OLFM2: variants seen among roughly 807,000 people sequenced by gnomAD.
OLFM2 encodes olfactomedin 2.
OLFM2 carries 20 observed loss-of-function variants against 43.9 expected under a neutral mutation model. That is an observed-to-expected ratio of 0.46 (90% CI 0.32 to 0.66). The LOEUF is 0.66. OLFM2 is among the 30% of genes least tolerant of loss of function. The pLI is 0.04. For synonymous variants in OLFM2, 268 were observed against 278.6 expected (o/e 0.96, Z 0.38); for missense variants, 416 against 643.6 (o/e 0.65, Z 3.83).
intron 1 of OLFM2, among the ~76,000 whole-genome samples, chr19:9,921,070 A>G (rs1466595477): frequency 1.3e-5 from 2 of 152,154 alleles, no homozygotes; most frequent in Non-Finnish European, 2.9e-5. Context: ...CAGAATACCT[A>G]TATGCAACAG....
intron 1 of OLFM2, among the ~76,000 whole-genome samples, chr19:9,921,027 C>T (rs1304035335): frequency 2.0e-5 from 3 of 152,124 alleles, no homozygotes; most frequent in Admixed American, 6.6e-5. Context: ...ACACCATTTG[C>T]AGCAAAGTAC....
chr19:9,915,668 C>T (rs1409965792), intron 1 of OLFM2, among the ~76,000 whole-genome samples: 1 of 152,062 alleles, frequency 6.6e-6, no homozygotes, highest in Non-Finnish European at 1.5e-5. Context: ...CAGGCACCCA[C>T]CACCACGCCC....
intron 1 of OLFM2, among the ~76,000 whole-genome samples, chr19:9,905,624 CAAA>C (rs55683294): frequency 1.6e-4 from 12 of 75,726 alleles, no homozygotes; most frequent in Admixed American, 1.6e-4. Context: ...GACTCCATCT[CAAA>C]AAAAAAAAAA....
intron 1 of OLFM2, among the ~76,000 whole-genome samples, chr19:9,867,934 C>T (rs1024674809): frequency 6.6e-6 from 1 of 151,832 alleles, no homozygotes; most frequent in African/African-American, 2.4e-5. Context: ...CAGGGTCTTG[C>T]TCTGCCACCC....
Position 9,857,496 on chromosome 19 carries a change from T to C in OLFM2, c.361-14A>G. The C allele has an allele frequency of 6.2e-7, 1 of 1,612,666 alleles. No individual in the cohort carries two copies. The highest frequency in any genetic ancestry group is 1.6e-4 in the Middle Eastern group (1 of 6,062). On this transcript the variant is annotated splice_polypyrimidine_tract_variant and intron_variant, in intron 3 of 5. Transcript: ENST00000264833. The surrounding 1 kb of genome is among the most constrained non-coding windows in gnomAD (Gnocchi z 5.7). ...GTCCTTCAGCTCCTGTGCATCAAGA[T>C]GGAACCATGGCCAAGCCTGACCCCT...
chr19:9,915,232 TC>T (rs2046865370), intron 1 of OLFM2, among the ~76,000 whole-genome samples: 1 of 99,098 alleles, frequency 1.0e-5, no homozygotes, highest in Admixed American at 1.1e-4. Flanking sequence ...CTTTTTCTTT[TC>T]TCTCTCTTTT....
At chr19:9,912,307 C>T (rs961181660) in intron 1 of OLFM2, among the ~76,000 whole-genome samples, 2 of 152,140 alleles carry the variant, frequency 1.3e-5, no homozygotes, top group African/African-American at 4.8e-5. Context: ...CTCAGGTGTC[C>T]CCACCACCAC....
chr19:9,913,797 C>T (rs555299024), intron 1 of OLFM2: 2 of 468,470 alleles, frequency 4.3e-6, no homozygotes, highest in Non-Finnish European at 5.6e-6. Flanking sequence ...ACGCGGGCTG[C>T]GGCTCGGCGC....
chr19:9,864,817 G>A (rs1235080557), intron 1 of OLFM2, among the ~76,000 whole-genome samples: 1 of 115,710 alleles, frequency 8.6e-6, no homozygotes, highest in Admixed American at 1.0e-4. Flanking sequence ...TCCTTTTGTA[G>A]AGATAGTCTT....
chr19:9,892,880 C>A (rs1009931988), intron 1 of OLFM2, among the ~76,000 whole-genome samples: 2 of 152,144 alleles, frequency 1.3e-5, no homozygotes, highest in Non-Finnish European at 2.9e-5. Context: ...TCTCTCCTCA[C>A]AAGGTTCTGG....
At chr19:9,907,011 G>A (rs978929192) in intron 1 of OLFM2, among the ~76,000 whole-genome samples, 1 of 152,238 alleles carries the variant, frequency 6.6e-6, no homozygotes, top group Middle Eastern at 3.4e-3. Flanking sequence ...AGTGGCAGCC[G>A]GGGAGGGGGA....
At chr19:9,904,573 CCT>C (rs2046769314) in intron 1 of OLFM2, among the ~76,000 whole-genome samples, 1 of 151,894 alleles carries the variant, frequency 6.6e-6, no homozygotes, top group Non-Finnish European at 1.5e-5. Flanking sequence ...TGGTAGCTCC[CCT>C]GTGTGTAGTG....
chr19:9,933,778 A>C (rs898537176), intron 1 of OLFM2, among the ~76,000 whole-genome samples: 5 of 151,930 alleles, frequency 3.3e-5, no homozygotes, highest in Admixed American at 2.0e-4. Context: ...GCTGGTCTCG[A>C]ACTCCTGACC....
chr19:9,880,975 G>C (rs1599477857), intron 1 of OLFM2, among the ~76,000 whole-genome samples: 1 of 152,142 alleles, frequency 6.6e-6, no homozygotes, highest in South Asian at 2.1e-4. Flanking sequence ...TAGGCTCACT[G>C]CAGCCTCTGC....
chr19:9,915,700 A>G (rs542381474), intron 1 of OLFM2, among the ~76,000 whole-genome samples: 18 of 152,020 alleles, frequency 1.2e-4, no homozygotes, highest in African/African-American at 3.6e-4. Flanking sequence ...TGTATTTTTT[A>G]GTAGAGACGG....
chr19:9,884,199 G>T (rs2046565769), intron 1 of OLFM2, among the ~76,000 whole-genome samples: 2 of 151,594 alleles, frequency 1.3e-5, no homozygotes, highest in South Asian at 4.2e-4. Flanking sequence ...AGCCCAGGGA[G>T]GTTGAGGCTG....
At chr19:9,872,198 T>A (rs2046448125) in intron 1 of OLFM2, among the ~76,000 whole-genome samples, 1 of 152,012 alleles carries the variant, frequency 6.6e-6, no homozygotes, top group Non-Finnish European at 1.5e-5. Context: ...ATCCCCTGAG[T>A]GATAAGCTTG....
chr19:9,856,539 C>T lies in OLFM2; in HGVS notation c.687+268G>A, dbSNP rs2046319119. Among the ~76,000 whole-genome samples, 2 of 152,222 alleles carry T rather than the reference C, an allele frequency of 1.3e-5. No individual in the cohort carries two copies. Among genetic ancestry groups the T allele is most frequent in the Non-Finnish European group, 2.9e-5 (2 of 68,050 alleles). Reference sequence around the variant, plus strand: ...ATTGGTCATTGGGTAGTTACTTGGACGTCAGTAGTCCCTGAGAACTGGTCA... The same window carrying T: ...ATTGGTCATTGGGTAGTTACTTGGATGTCAGTAGTCCCTGAGAACTGGTCA... On this transcript the variant is annotated intron_variant, in intron 5 of 5. Transcript: ENST00000264833. The surrounding 1 kb of genome is among the most constrained non-coding windows in gnomAD (Gnocchi z 4.0).
intron 1 of OLFM2, among the ~76,000 whole-genome samples, chr19:9,862,938 G>A (rs566077698): frequency 3.5e-4 from 48 of 138,752 alleles, no homozygotes; most frequent in Middle Eastern, 4.2e-3. Context: ...GCAGTGAGCC[G>A]AGATCACACC....
Sources: allele counts gnomAD v4.1 joint callset (sites outside exome capture counted in the v4.1 genomes callset), GRCh38; gene constraint gnomAD v4.1.1; non-coding constraint Gnocchi (gnomAD v3.1); transcripts MANE v1.5; gene names NCBI Gene and HGNC (gene_info 2026-07-23, HGNC 2026-07-21).